The following TMEM130 variants were observed in gnomAD, a reference collection of about 807,000 sequenced individuals.
TMEM130 encodes the protein transmembrane protein 130.
Under a neutral mutation model 42.9 loss-of-function variants are expected in TMEM130, and 37 were observed. The ratio of observed to expected loss-of-function variants is 0.86; its 90% CI spans 0.66 to 1.13. TMEM130 has a LOEUF of 1.13. Among genes scored for constraint, TMEM130 ranks in the 50% most tolerant of loss-of-function variants. The pLI is 0.00. For synonymous variants in TMEM130, 259 were observed against 237.7 expected, an observed-to-expected ratio of 1.09 and a Z score of -0.82; for missense variants, 545 against 562.6, an observed-to-expected ratio of 0.97 and a Z score of 0.32.
In TMEM130 at chr7:98,869,681, C is replaced by T. The variant is rs782521082; in HGVS notation, c.85+96G>A. 21 of 946,058 alleles carry T rather than the reference C, an allele frequency of 2.2e-5. No homozygotes were observed. The highest frequency in any genetic ancestry group is 2.7e-5 in the Non-Finnish European group (19 of 705,366). The allele number at this position is 946,058 out of a possible 1,614,324, so 58.6% of individuals were successfully genotyped here. On this transcript the variant is annotated intron_variant, in intron 1 of 7. Coordinates refer to ENST00000339375, the MANE Select transcript of TMEM130 (RefSeq NM_152913.3). The surrounding 1 kb of genome is among the most constrained non-coding windows in gnomAD (Gnocchi z 4.7). ...CGCGCAGGGCGCACGGTGCCACCTC[C>T]GCAATCCCTGCTCCCGGGCCCACTC...
Position 98,851,602 on chromosome 7 carries a change from C to T in TMEM130, c.825G>A (p.Trp275Ter), listed in dbSNP as rs781807529. The T allele has an allele frequency of 2.5e-6, 4 of 1,612,814 alleles. No homozygotes were observed. Among genetic ancestry groups the T allele is most frequent in the Non-Finnish European group, 3.4e-6 (4 of 1,179,350 alleles). Residue 275 changes from tryptophan to a stop codon, truncating the protein, a stop_gained, in exon 6 of 8, where the codon TGG becomes TGA. Coordinates refer to ENST00000339375, the MANE Select transcript of TMEM130 (RefSeq NM_152913.3). LOFTEE classifies it high-confidence loss of function. Reference sequence around the variant, plus strand: ...GCGGGAGGCACTCAGGCTTGAGACGCCAGCACACAGTCAGAGGAGGGCTGC... The same window carrying T: ...GCGGGAGGCACTCAGGCTTGAGACGTCAGCACACAGTCAGAGGAGGGCTGC... ...FLGSPPLTVC[W>*]RLKPECLPLE... is the part of the protein sequence containing the mutation.
chr7:98,862,585 G>A (rs1794806441), intron 2 of TMEM130, among the ~76,000 whole-genome samples: 1 of 131,674 alleles, frequency 7.6e-6, no homozygotes, highest in African/African-American at 3.0e-5. Context: ...TGCAACCTCT[G>A]CCCCCCAGGT....
intron 2 of TMEM130, 50 bp downstream of exon 2, chr7:98,863,045 C>G: frequency 6.4e-7 from 1 of 1,558,750 alleles, no homozygotes; most frequent in Non-Finnish European, 8.7e-7. Context: ...TGATGTTTTT[C>G]TCTGCACCAA....
Position 98,869,166 on chromosome 7 carries a change from A to C in TMEM130, c.85+611T>G. ...GTGGGGAAGTGGGGGCAGTAGACAC[A>C]CAACCCTGCTTCCCCCACTCCCCCA... On this transcript the variant is annotated intron_variant, in intron 1 of 7. Transcript: ENST00000339375. This position sits in a 1 kb window ranked among gnomAD's most constrained non-coding sequence, Gnocchi z 4.7. 7.8e-7 allele frequency: 1 copy of C among 1,280,200 alleles called. No homozygotes were observed. Among genetic ancestry groups the C allele is most frequent in the Non-Finnish European group, 1.0e-6 (1 of 984,944 alleles). The allele number at this position is 1,280,200 out of a possible 1,614,324, so 79.3% of individuals were successfully genotyped here.
chr7:98,855,462 G>T, intron 4 of TMEM130, 138 bp from the exon 5 acceptor site: 2 of 692,892 alleles, frequency 2.9e-6, no homozygotes, highest in African/African-American at 1.8e-5. Flanking sequence ...TCTGTGCGGG[G>T]TTCCTCTGGG....
intron 1 of TMEM130, among the ~76,000 whole-genome samples, chr7:98,867,755 G>T (rs1441657077): frequency 6.6e-6 from 1 of 152,172 alleles, no homozygotes; most frequent in Non-Finnish European, 1.5e-5. Context: ...CAGCTCCAAG[G>T]ACACTTTTTC....
intron 7 of TMEM130, 47 bp from the exon 8 acceptor site, chr7:98,848,255 C>T: frequency 1.9e-6 from 3 of 1,610,814 alleles, no homozygotes; most frequent in Admixed American, 1.7e-5. Flanking sequence ...CTATGATGAA[C>T]AAAATCCCAC....
rs1794986836 is a variant in TMEM130 at position 98,869,662 on chromosome 7, G to C, written c.85+115C>G. ...TCAGCCGAGGAGGGAGATGCGCGCA[G>C]GGCGCACGGTGCCACCTCCGCAATC... On this transcript the variant is annotated intron_variant, in intron 1 of 7. Transcript: ENST00000339375. This position sits in a 1 kb window ranked among gnomAD's most constrained non-coding sequence, Gnocchi z 4.7. 12 of 774,164 alleles carry C rather than the reference G, an allele frequency of 1.6e-5. No individual in the cohort carries two copies. The highest frequency in any genetic ancestry group is 2.0e-5 in the Non-Finnish European group (11 of 547,790). The allele number at this position is 774,164 out of a possible 1,614,324, so 48.0% of individuals were successfully genotyped here.
intron 6 of TMEM130, among the ~76,000 whole-genome samples, chr7:98,849,725 A>T (rs1554397912): frequency 1.3e-5 from 2 of 152,074 alleles, no homozygotes. Context: ...ACTAACTCCT[A>T]CCCCAGGACC....
In TMEM130 at chr7:98,863,302, C is replaced by T; in HGVS notation, c.184G>A (p.Ala62Thr). The T allele has an allele frequency of 1.2e-6, 2 of 1,613,170 alleles. No homozygotes were observed. The highest frequency in any genetic ancestry group is 1.7e-6 in the Non-Finnish European group (2 of 1,179,950). The change falls in exon 2 of 8, where the codon GCC (alanine) becomes ACC (threonine). Residue 62 changes from alanine (A) to threonine (T), a missense_variant. By Grantham distance (58) the Ala-to-Thr change is moderately conservative (BLOSUM62 0). Transcript: ENST00000339375. ...TAGAGGTGGGCGTCAGCGGGCAGGGCCAGGCTGCCGTTGTCCTTGGCCACC... is the reference window on the plus strand; with the variant it reads ...TAGAGGTGGGCGTCAGCGGGCAGGGTCAGGCTGCCGTTGTCCTTGGCCACC... The part of the protein sequence containing the change: ...SLVAKDNGSL[A>T]LPADAHLYRF...
At chr7:98,862,405 G>A (rs1420567857) in intron 2 of TMEM130, among the ~76,000 whole-genome samples, 3 of 150,476 alleles carry the variant, frequency 2.0e-5, no homozygotes, top group African/African-American at 7.4e-5. Context: ...ACAGAGAGAA[G>A]GACAGAGAGA....
chr7:98,866,120 T>G (rs1794900621), intron 1 of TMEM130: 1 of 152,606 alleles, frequency 6.6e-6, no homozygotes, highest in Admixed American at 6.5e-5. Flanking sequence ...GAGACCGGCC[T>G]GGCCAACATG....
chr7:98,855,849 G>A (rs975981078), intron 4 of TMEM130, among the ~76,000 whole-genome samples, 168 bp downstream of exon 4: 32 of 152,200 alleles, frequency 2.1e-4, no homozygotes, highest in Non-Finnish European at 3.4e-4. Context: ...GATCCCATCC[G>A]TGGCCTGCAG....
At position 98,848,164 on chromosome 7, in the gene TMEM130, G is replaced by A. The variant is rs1242127369; in HGVS notation, c.1164C>T (p.Cys388=). The A allele has an allele frequency of 1.9e-6, 3 of 1,613,996 alleles. No individual in the cohort carries two copies. The highest frequency in any genetic ancestry group is 2.5e-6 in the Non-Finnish European group (3 of 1,180,030). Residue 388 remains cysteine, a synonymous_variant, in exon 8 of 8, where the codon TGC becomes TGT. Coordinates refer to ENST00000339375, the MANE Select transcript of TMEM130 (RefSeq NM_152913.3). ...PSGVRCCCQM[C]CGPFLLETPS... ...GAGTCTCCAGCAAGAAAGGCCCACAGCACATCTGGCAGCAGCACCTGACCC... is the reference window on the plus strand; with the variant it reads ...GAGTCTCCAGCAAGAAAGGCCCACAACACATCTGGCAGCAGCACCTGACCC...
At position 98,846,866 on chromosome 7, in the gene TMEM130, T is replaced by C. The variant is rs1421817884; in HGVS notation, c.*1190A>G. On this transcript the variant is annotated 3_prime_UTR_variant, in exon 8 of 8. Transcript: ENST00000339375. ...CTGCTGACTCAACCTCTTCTTTTTT[T>C]TTTTTTGGAGACAGAGTCTCGCTCT... 4.6e-5 allele frequency: 7 copies of C among 151,864 alleles called. No homozygotes were observed. The highest frequency in any genetic ancestry group is 1.7e-4 in the African/African-American group (7 of 41,330). The allele number at this position is 151,864 out of a possible 1,614,324, so 9.4% of individuals were successfully genotyped here.
chr7:98,869,096 T>C lies in TMEM130; in HGVS notation c.85+681A>G. ...ATAGTCTTAAATCTGGGTCCTTTTATGGTTCCCAAAATGTGGCAGAGAGGT... is the reference window on the plus strand; with the variant it reads ...ATAGTCTTAAATCTGGGTCCTTTTACGGTTCCCAAAATGTGGCAGAGAGGT... On this transcript the variant is annotated intron_variant, in intron 1 of 7. Coordinates refer to ENST00000339375, the MANE Select transcript of TMEM130 (RefSeq NM_152913.3). This position sits in a 1 kb window ranked among gnomAD's most constrained non-coding sequence, Gnocchi z 4.7. The C allele has an allele frequency of 9.2e-7, 1 of 1,089,858 alleles. No homozygotes were observed. Among genetic ancestry groups the C allele is most frequent in the East Asian group, 6.8e-5 (1 of 14,796 alleles). 67.5% of individuals were successfully genotyped at this position (1,089,858 alleles called of 1,614,324 possible).
At chr7:98,852,389 CA>C (rs1227372394) in intron 5 of TMEM130, among the ~76,000 whole-genome samples, 37 of 152,174 alleles carry the variant, frequency 2.4e-4, no homozygotes, top group Admixed American at 8.5e-4. Flanking sequence ...CTCGGCCTCC[CA>C]AAGTGCTGGT....
At chr7:98,850,274 T>TATATATATATATATATA (rs1491493786) in intron 6 of TMEM130, among the ~76,000 whole-genome samples, 1 of 31,222 alleles carries the variant, frequency 3.2e-5, no homozygotes, top group African/African-American at 9.4e-5. Context: ...TATATATATA[T>TATATATATATATATATA]TTTTTTTTTT....
At chr7:98,851,175 T>C (rs868919445) in intron 6 of TMEM130, among the ~76,000 whole-genome samples, 1 of 152,086 alleles carries the variant, frequency 6.6e-6, no homozygotes, top group Admixed American at 6.6e-5. Flanking sequence ...GGTGCCATAT[T>C]GGGGTTGACA....
Sources: gnomAD v4.1 joint callset for allele counts (sites outside exome capture counted in the v4.1 genomes callset) on GRCh38, gnomAD v4.1.1 for gene constraint, Gnocchi (gnomAD v3.1) non-coding constraint, MANE v1.5 for transcripts, NCBI Gene and HGNC (gene_info 2026-07-23, HGNC 2026-07-21) for gene names.